Variants in ZNF738 observed in about 807,000 individuals in gnomAD.
The protein encoded by ZNF738 is zinc finger protein 738.
ZNF738 carries 10 observed loss-of-function variants against 9.2 expected under a neutral mutation model. That is an observed-to-expected ratio of 1.09 (90% CI 0.67 to 1.85). The LOEUF is 1.85. Ranked by LOEUF, ZNF738 falls within the 40% of genes most tolerant of loss-of-function variation. The pLI, the probability that ZNF738 is intolerant of heterozygous loss-of-function variation, is 0.00. For synonymous variants in ZNF738, 113 were observed against 94.5 expected, an observed-to-expected ratio of 1.20 and a Z score of -1.14; for missense variants, 346 against 283.6, an observed-to-expected ratio of 1.22 and a Z score of -1.58.
intron 4 of ZNF738, chr19:21,381,575 G>T: frequency 1.6e-6 from 1 of 615,582 alleles, no homozygotes; most frequent in East Asian, 2.8e-5. Context: ...CTCACTGCAA[G>T]CTCCGTCTCC....
At chr19:21,376,584 C>T (rs1160204418) in intron 4 of ZNF738, among the ~76,000 whole-genome samples, 2 of 152,000 alleles carry the variant, frequency 1.3e-5, no homozygotes, top group Non-Finnish European at 2.9e-5. Flanking sequence ...TGGAGTTTCA[C>T]TCTTGTTGCC....
In ZNF738 at chr19:21,387,573, G is replaced by C. The variant is rs1974081528; in HGVS notation, c.*3899G>C. ...TGTGGCAAAACTTAACCACCTTATT[G>C]CACAGAAAAGCATTTATGTTTGAGA... On this transcript the variant is annotated 3_prime_UTR_variant, in exon 5 of 5. Transcript: ENST00000683779. Among the ~76,000 whole-genome samples, 1 of 152,148 alleles carries C rather than the reference G, an allele frequency of 6.6e-6. No homozygotes were observed. The highest frequency in any genetic ancestry group is 1.5e-5 in the Non-Finnish European group (1 of 68,030).
rs574648235 is a variant in ZNF738, at chr19:21,373,976, C to T, written c.97-1262C>T. On this transcript the variant is annotated intron_variant, in intron 2 of 4. Coordinates refer to ENST00000683779, the MANE Select transcript of ZNF738 (RefSeq NM_001355237.2). ...AGTATCTCTCTCCTATATCCCAGAG[C>T]CTTCTCTACACTCTCTAAATCATGG... is the stretch of plus-strand genomic sequence containing the variant. 3.3e-5 allele frequency among the ~76,000 whole-genome samples: 5 copies of T among 152,174 alleles called. No individual in the cohort carries two copies. In the South Asian group the frequency reaches 6.2e-4, roughly 19 times the overall value.
At chr19:21,360,491 T>A (rs1973669565) in intron 1 of ZNF738, 1 of 152,910 alleles carries the variant, frequency 6.5e-6, no homozygotes. Context: ...TCTCGCTCTG[T>A]CTCCCAGGCT....
At chr19:21,366,968 C>G (rs1305717295) in intron 2 of ZNF738, among the ~76,000 whole-genome samples, 1 of 152,174 alleles carries the variant, frequency 6.6e-6, no homozygotes, top group Admixed American at 6.5e-5. Flanking sequence ...ACCTAACCAT[C>G]TGGAAATGCA....
Position 21,359,052 on chromosome 19 carries a change from C to T in ZNF738, c.-89C>T, listed in dbSNP as rs1973645551. ...TCTCGTCTTCACTGCTCTGTGTCCT[C>T]TGCTCCTAGAGGCCCAGCCTCTGGT... On this transcript the variant is annotated 5_prime_UTR_variant, in exon 1 of 5. Transcript: ENST00000683779. The T allele has an allele frequency of 1.2e-6, 1 of 848,922 alleles. No homozygotes were observed. The allele number at this position is 848,922 out of a possible 1,614,324, so 52.6% of individuals were successfully genotyped here.
intron 2 of ZNF738, among the ~76,000 whole-genome samples, chr19:21,368,622 T>G (rs1478031793): frequency 6.6e-6 from 1 of 151,852 alleles, no homozygotes; most frequent in Non-Finnish European, 1.5e-5. Flanking sequence ...CAAGCCCTGC[T>G]AATTTTTGTA....
chr19:21,366,272 G>A (rs1184472105), intron 2 of ZNF738, among the ~76,000 whole-genome samples: 8 of 152,134 alleles, frequency 5.3e-5, no homozygotes, highest in Admixed American at 5.2e-4. Context: ...CTACATCTTA[G>A]GAAGGACTAT....
intron 2 of ZNF738, among the ~76,000 whole-genome samples, chr19:21,373,960 C>T (rs1973892728): frequency 6.6e-6 from 1 of 152,088 alleles, no homozygotes; most frequent in Admixed American, 6.6e-5. Flanking sequence ...AAGTATCTCT[C>T]TCCTATATCC....
intron 4 of ZNF738, chr19:21,377,524 A>G: frequency 1.7e-6 from 1 of 576,104 alleles, no homozygotes; most frequent in Non-Finnish European, 3.1e-6. Context: ...ACACACACAC[A>G]CACACACACA....
At position 21,382,952 on chromosome 19, in the gene ZNF738, A is replaced by T; in HGVS notation, c.406A>T (p.Asn136Tyr). Residue 136 changes from asparagine to tyrosine, a missense_variant, in exon 5 of 5, where the codon AAT becomes TAT. Coordinates refer to ENST00000683779, the MANE Select transcript of ZNF738 (RefSeq NM_001355237.2). ...FQKVILREYG[N>Y]YGHKDLQLRK... is the part of the protein sequence containing the mutation. Reference sequence around the variant, plus strand: ...AAAAGTGATACTGAGAGAATATGGAAATTATGGACATAAAGATTTACAGTT... The same window carrying T: ...AAAAGTGATACTGAGAGAATATGGATATTATGGACATAAAGATTTACAGTT... 1.6e-6 allele frequency: 1 copy of T among 627,618 alleles called. No homozygotes were observed. The highest frequency in any genetic ancestry group is 3.0e-6 in the Non-Finnish European group (1 of 335,736). 38.9% of individuals were successfully genotyped at this position (627,618 alleles called of 1,614,324 possible).
In ZNF738 at chr19:21,384,286, C is replaced by T. The variant is rs1974041114; in HGVS notation, c.*612C>T. On this transcript the variant is annotated 3_prime_UTR_variant, in exon 5 of 5. Coordinates refer to ENST00000683779, the MANE Select transcript of ZNF738 (RefSeq NM_001355237.2). ...TGTGGCAAAGCCTTTAGTGTATTCT[C>T]AACCCTTACTAAACATAAGATAATT... Among the ~76,000 whole-genome samples, 1 of 152,042 alleles carries T rather than the reference C, an allele frequency of 6.6e-6. No individual in the cohort carries two copies.
intron 4 of ZNF738, chr19:21,377,667 C>T (rs1202242644): frequency 4.6e-6 from 2 of 435,046 alleles, no homozygotes; most frequent in East Asian, 3.5e-5. Flanking sequence ...TTTTGTAATA[C>T]TATTTTGACC....
At chr19:21,377,091 T>A (rs1237738700) in intron 4 of ZNF738, among the ~76,000 whole-genome samples, 2 of 152,076 alleles carry the variant, frequency 1.3e-5, no homozygotes, top group African/African-American at 2.4e-5. Context: ...GCGGATCATC[T>A]GAGTTTGGGA....
chr19:21,368,493 T>C (rs1302124869), intron 2 of ZNF738, among the ~76,000 whole-genome samples: 1 of 152,140 alleles, frequency 6.6e-6, no homozygotes, highest in Non-Finnish European at 1.5e-5. Flanking sequence ...GTAGTTCTGC[T>C]CTTGTTGTCC....
At chr19:21,374,350 G>A (rs1364301746) in intron 2 of ZNF738, among the ~76,000 whole-genome samples, 2 of 152,174 alleles carry the variant, frequency 1.3e-5, no homozygotes, top group Admixed American at 1.3e-4. Flanking sequence ...TCTGCATCTT[G>A]AACTCTGCAT....
Position 21,375,899 on chromosome 19 carries a change from C to T in ZNF738, c.254C>T (p.Thr85Ile), listed in dbSNP as rs772497983. The T allele has an allele frequency of 2.5e-6, 2 of 795,658 alleles. No individual in the cohort carries two copies. The highest frequency in any genetic ancestry group is 2.3e-6 in the Non-Finnish European group (1 of 434,426). The allele number at this position is 795,658 out of a possible 1,614,324, so 49.3% of individuals were successfully genotyped here. Residue 85 changes from threonine to isoleucine, a missense_variant, in exon 4 of 5, where the codon ACC (threonine) becomes ATC (isoleucine). By Grantham distance (89) the Thr-to-Ile change is moderately conservative. Coordinates refer to ENST00000683779, the MANE Select transcript of ZNF738 (RefSeq NM_001355237.2). ...GIDVSKPDLI[T>I]CLEQGKDPWN... ...GATGTCTCTAAGCCAGATCTGATCA[C>T]CTGTCTGGAGCAAGGAAAAGATCCC...
At position 21,381,445 on chromosome 19, in the gene ZNF738, C is replaced by T. The variant is rs1974003056; in HGVS notation, c.320-1421C>T. ...GAGTATAAGAAAGGCCATTACAGAC[C>T]CTGGTTTGGACACCAACTTTTACAC... On this transcript the variant is annotated intron_variant, in intron 4 of 4. Transcript: ENST00000683779. The T allele has an allele frequency of 3.4e-6, 5 of 1,468,468 alleles. No individual in the cohort carries two copies. In the Admixed American group the frequency reaches 8.4e-5, roughly 25 times the overall value. 91.0% of individuals were successfully genotyped at this position (1,468,468 alleles called of 1,614,324 possible).
chr19:21,384,055 G>C lies in ZNF738; in HGVS notation c.*381G>C, dbSNP rs577233612. 1.7e-5 allele frequency: 26 copies of C among 1,513,132 alleles called. No individual in the cohort carries two copies. Among genetic ancestry groups the C allele is most frequent in the Non-Finnish European group, 2.3e-5 (26 of 1,109,320 alleles). 93.7% of individuals were successfully genotyped at this position (1,513,132 alleles called of 1,614,324 possible). On this transcript the variant is annotated 3_prime_UTR_variant, in exon 5 of 5. Transcript: ENST00000683779. ...TTCATTTACCTTACTACACATAAGA[G>C]AATTCACACTGGAGAGAAACCCTAC...
Sources: gnomAD v4.1 joint callset for allele counts (sites outside exome capture counted in the v4.1 genomes callset) on GRCh38, gnomAD v4.1.1 for gene constraint, MANE v1.5 for transcripts, NCBI Gene and HGNC (gene_info 2026-07-23, HGNC 2026-07-21) for gene names.